ZSCAN18: variants seen among roughly 807,000 people sequenced by gnomAD.
ZSCAN18 encodes zinc finger and SCAN domain-containing protein 18.
A neutral mutation model predicts 31.1 loss-of-function variants in ZSCAN18; 16 were observed. The ratio of observed to expected loss-of-function variants is 0.51; its 90% CI spans 0.35 to 0.78. The LOEUF (loss-of-function observed/expected upper bound fraction) is 0.78. ZSCAN18 is among the 30% of genes least tolerant of loss of function. ZSCAN18 has a pLI of 0.01. For missense variants in ZSCAN18, 731 were observed against 697.4 expected, an observed-to-expected ratio of 1.05 and a Z score of -0.54; for synonymous variants, 375 against 320.7, an observed-to-expected ratio of 1.17 and a Z score of -1.81.
At chr19:58,118,362 G>A (rs564642830) in exon 1 of ZSCAN18, 18 of 1,533,670 alleles carry the variant, frequency 1.2e-5, no homozygotes, top group Non-Finnish European at 1.8e-6. Flanking sequence ...CGCCGCCGTA[G>A]CGTCCTCGTC....
At chr19:58,091,352 A>G (rs925981766) in intron 1 of ZSCAN18, among the ~76,000 whole-genome samples, 7 of 152,120 alleles carry the variant, frequency 4.6e-5, no homozygotes, top group African/African-American at 1.7e-4. Context: ...TCCTCCAGTT[A>G]AAACCACCAC....
intron 4 of ZSCAN18, 97 bp downstream of exon 4, chr19:58,087,219 T>G: frequency 1.5e-6 from 2 of 1,317,882 alleles, no homozygotes; most frequent in Non-Finnish European, 2.1e-6. Flanking sequence ...CTGTGGACGT[T>G]TGGGGCCACA....
intron 1 of ZSCAN18, among the ~76,000 whole-genome samples, chr19:58,091,297 G>T (rs2074405736): frequency 6.6e-6 from 1 of 151,150 alleles, no homozygotes; most frequent in South Asian, 2.1e-4. Flanking sequence ...AGATTATAGG[G>T]ATGTCAATTT....
At chr19:58,093,031 C>T (rs1037236731) in intron 1 of ZSCAN18, among the ~76,000 whole-genome samples, 1 of 152,150 alleles carries the variant, frequency 6.6e-6, no homozygotes, top group African/African-American at 2.4e-5. Flanking sequence ...CCTGCCTGGG[C>T]CTCCCAAAGT....
At chr19:58,085,433 G>A (rs1185512679) in intron 6 of ZSCAN18, 54 bp from the exon 7 acceptor site, 11 of 1,459,012 alleles carry the variant, frequency 7.5e-6, no homozygotes. Context: ...CCAGGGAGAG[G>A]AGGACCCAGC....
At position 58,085,396 on chromosome 19, in the gene ZSCAN18, G is replaced by T; in HGVS notation, c.839-17C>A. On this transcript the variant is annotated splice_polypyrimidine_tract_variant and intron_variant, in intron 6 of 6. Transcript: ENST00000601144. ...TCCCGCCTTCTGGAACAAGGTCAGA[G>T]CCCTAGCGTGAGCGCCCCGCCCAGG... The T allele has an allele frequency of 6.4e-7, 1 of 1,564,976 alleles. No homozygotes were observed. The highest frequency in any genetic ancestry group is 1.1e-5 in the South Asian group (1 of 87,430).
chr19:58,086,081 T>C, intron 6 of ZSCAN18, 93 bp downstream of exon 6: 1 of 1,059,378 alleles, frequency 9.4e-7, no homozygotes, highest in Non-Finnish European at 1.4e-6. Flanking sequence ...CTGAGGTCTT[T>C]GCTGGGGCTG....
chr19:58,110,437 G>A (rs539470262), intron 1 of ZSCAN18, among the ~76,000 whole-genome samples: 130 of 152,086 alleles, frequency 8.5e-4, no homozygotes, highest in Non-Finnish European at 1.6e-3. Context: ...CATGCATACT[G>A]GACTGTCTAG....
chr19:58,089,501 C>T (rs1157743319), intron 2 of ZSCAN18, among the ~76,000 whole-genome samples: 1 of 151,984 alleles, frequency 6.6e-6, no homozygotes, highest in Non-Finnish European at 1.5e-5. Flanking sequence ...TGGCAGGCGC[C>T]TGTAATCCCA....
At position 58,090,381 on chromosome 19, in the gene ZSCAN18, A is replaced by C; in HGVS notation, c.-114T>G. On this transcript the variant is annotated 5_prime_UTR_variant, in exon 2 of 7. Coordinates refer to ENST00000601144, the MANE Select transcript of ZSCAN18 (RefSeq NM_001145543.2). The surrounding 1 kb of genome is among the most constrained non-coding windows in gnomAD (Gnocchi z 4.7). Reference sequence around the variant, plus strand: ...GTGGGCTCAGGTGGTGCCAGAACCCACAGACCTGCAGAGGACACGGACAAG... The same window carrying C: ...GTGGGCTCAGGTGGTGCCAGAACCCCCAGACCTGCAGAGGACACGGACAAG... 1 of 1,566,192 alleles carries C rather than the reference A, an allele frequency of 6.4e-7. No individual in the cohort carries two copies. Among genetic ancestry groups the C allele is most frequent in the South Asian group, 1.2e-5 (1 of 84,620 alleles).
intron 1 of ZSCAN18, among the ~76,000 whole-genome samples, chr19:58,111,987 G>A (rs1331790286): frequency 1.3e-5 from 2 of 152,160 alleles, no homozygotes; most frequent in East Asian, 1.9e-4. Flanking sequence ...TAAAAGCATT[G>A]GACAAAATTC....
intron 1 of ZSCAN18, among the ~76,000 whole-genome samples, chr19:58,116,344 A>C (rs746958403): frequency 9.3e-5 from 14 of 150,964 alleles, no homozygotes; most frequent in Non-Finnish European, 1.8e-4. Flanking sequence ...CATTCTGCAA[A>C]CATTTACTGA....
upstream of ZSCAN18, among the ~76,000 whole-genome samples, chr19:58,100,890 A>G (rs1408103019): frequency 6.6e-6 from 1 of 152,052 alleles, no homozygotes; most frequent in Non-Finnish European, 1.5e-5. Context: ...AAAAAGAAAA[A>G]AGATGAAATG....
Position 58,084,985 on chromosome 19 carries a change from C to T in ZSCAN18, c.1233G>A (p.Lys411=), listed in dbSNP as rs761641544. Residue 411 remains lysine, a synonymous_variant, in exon 7 of 7, where the codon AAG becomes AAA. Transcript: ENST00000601144. This position sits in a 1 kb window ranked among gnomAD's most constrained non-coding sequence, Gnocchi z 4.5. ...GADEPGLSRG[K]PYACGECGEA... is the part of the protein sequence containing the mutation. ...CCCCGCACTCGCCGCAGGCATAGGG[C>T]TTCCCGCGGGACAAGCCCGGCTCGT... The T allele has an allele frequency of 3.8e-6, 6 of 1,597,870 alleles. No individual in the cohort carries two copies. Among genetic ancestry groups the T allele is most frequent in the Middle Eastern group, 1.7e-4 (1 of 6,002 alleles).
intron 1 of ZSCAN18, among the ~76,000 whole-genome samples, chr19:58,096,110 T>C (rs2074515370): frequency 6.6e-6 from 1 of 152,122 alleles, no homozygotes; most frequent in South Asian, 2.1e-4. Context: ...CGTACATCTA[T>C]AATCTCAGAG....
chr19:58,091,507 G>A (rs2074409510), intron 1 of ZSCAN18, among the ~76,000 whole-genome samples: 1 of 150,998 alleles, frequency 6.6e-6, no homozygotes, highest in Admixed American at 6.6e-5. Flanking sequence ...CCAGGCGGGA[G>A]GGGCAGGAAG....
intron 6 of ZSCAN18, chr19:58,085,795 A>AC (rs35562793): frequency 2.4e-5 from 7 of 296,550 alleles, no homozygotes; most frequent in African/African-American, 1.3e-4. Flanking sequence ...CTAAGGCCAA[A>AC]CCCCCCAGCG....
chr19:58,093,963 C>A (rs1490362305), intron 1 of ZSCAN18, among the ~76,000 whole-genome samples: 2 of 151,862 alleles, frequency 1.3e-5, no homozygotes, highest in Non-Finnish European at 2.9e-5. Context: ...CGGGGTTTCA[C>A]CATGTTGGCC....
intron 6 of ZSCAN18, 36 bp from the exon 7 acceptor site, chr19:58,085,415 G>A (rs1386818561): frequency 1.3e-6 from 2 of 1,515,640 alleles, no homozygotes; most frequent in Admixed American, 2.0e-5. Flanking sequence ...TGAGCGCCCC[G>A]CCCAGGGCCA....
Sources: allele counts gnomAD v4.1 joint callset (sites outside exome capture counted in the v4.1 genomes callset), GRCh38; gene constraint gnomAD v4.1.1; non-coding constraint Gnocchi (gnomAD v3.1); transcripts MANE v1.5; gene names NCBI Gene and HGNC (gene_info 2026-07-23, HGNC 2026-07-21).